The following PBX1 variants were observed in gnomAD, a reference collection of about 807,000 sequenced individuals.
PBX1 encodes PBX homeobox 1.
In PBX1, 6 loss-of-function variants were observed where a neutral mutation model predicts 53.4. The ratio of observed to expected loss-of-function variants is 0.11; its 90% CI spans 0.06 to 0.22. The LOEUF is 0.22. PBX1 is among the 10% of genes least tolerant of loss of function. The pLI is 1.00. For synonymous variants in PBX1, 204 were observed against 212.3 expected (o/e 0.96, Z 0.34); for missense variants, 251 against 551.4 (o/e 0.46, Z 5.46).
chr1:164,872,604 T>G (rs1476421954), intron 2 of PBX1, among the ~76,000 whole-genome samples: 1 of 152,196 alleles, frequency 6.6e-6, no homozygotes, highest in Non-Finnish European at 1.5e-5. Context: ...GAGCATTATT[T>G]TTCTCTTTGT....
intron 2 of PBX1, among the ~76,000 whole-genome samples, chr1:164,570,599 G>T (rs188171326): frequency 6.6e-6 from 1 of 152,256 alleles, no homozygotes; most frequent in Admixed American, 6.5e-5. Context: ...TCTTTATGCA[G>T]TCTATCATTG....
At chr1:164,602,576 G>C (rs1656248379) in intron 2 of PBX1, among the ~76,000 whole-genome samples, 1 of 151,992 alleles carries the variant, frequency 6.6e-6, no homozygotes, top group South Asian at 2.1e-4. Context: ...AGCCTCCACA[G>C]ACACAAAGCT....
intron 8 of PBX1, among the ~76,000 whole-genome samples, chr1:164,827,715 C>G (rs987864028): frequency 6.6e-6 from 1 of 152,194 alleles, no homozygotes; most frequent in Non-Finnish European, 1.5e-5. Context: ...CATATGCAAT[C>G]CAATGTTTTT....
rs1162544117 is a variant in PBX1 at position 164,792,543 on chromosome 1, G to A, written c.315G>A (p.Leu105=). ...AGGAGGAACCCACAGACCCCCAGCT[G>A]ATGCGGCTGGACAACATGCTGTTAG... ...AQEEEPTDPQ[L]MRLDNMLLAE... Residue 105 remains leucine, a synonymous_variant, in exon 3 of 9, where the codon CTG becomes CTA. Coordinates refer to ENST00000420696, the MANE Select transcript of PBX1 (RefSeq NM_002585.4). 1 of 1,614,120 alleles carries A rather than the reference G, an allele frequency of 6.2e-7. No homozygotes were observed. Among genetic ancestry groups the A allele is most frequent in the Admixed American group, 1.7e-5 (1 of 60,030 alleles).
In PBX1 at chr1:164,630,810, G is replaced by A. The variant is rs138828306; in HGVS notation, c.265+67499G>A. Among the ~76,000 whole-genome samples, 143 of 152,240 alleles carry A rather than the reference G, an allele frequency of 9.4e-4. 1 individual carries two copies. Among genetic ancestry groups the A allele is most frequent in the African/African-American group, 3.2e-3 (134 of 41,546 alleles). ...TGTCTTGTGCAATCTTTGGATCTTTGCCTTGATAATGTGCTTAATCATTCC... is the reference window on the plus strand; with the variant it reads ...TGTCTTGTGCAATCTTTGGATCTTTACCTTGATAATGTGCTTAATCATTCC... On this transcript the variant is annotated intron_variant, in intron 2 of 8. Coordinates refer to ENST00000420696, the MANE Select transcript of PBX1 (RefSeq NM_002585.4).
chr1:164,647,278 TGGAGGAGGAACCACTAG>T (rs1020229528), intron 2 of PBX1, among the ~76,000 whole-genome samples: 2 of 152,112 alleles, frequency 1.3e-5, no homozygotes, highest in African/African-American at 4.8e-5. Context: ...CAGGGGCCGT[TGGAGGAGGAACCACTAG>T]GGAGGATGAG....
intron 6 of PBX1, chr1:164,816,497 A>T (rs925284364): frequency 6.6e-6 from 1 of 152,212 alleles, no homozygotes; most frequent in African/African-American, 2.4e-5. Flanking sequence ...ACATTTAAAC[A>T]CTGAATTCCT....
At chr1:164,575,636 T>A (rs111929229) in intron 2 of PBX1, among the ~76,000 whole-genome samples, 212 of 152,144 alleles carry the variant, frequency 1.4e-3, no homozygotes, top group African/African-American at 4.8e-3. Flanking sequence ...TCCCAGAGAG[T>A]CTAATGATGA....
At chr1:164,571,874 TATATATATATATA>T in intron 2 of PBX1, among the ~76,000 whole-genome samples, 2 of 6,916 alleles carry the variant, frequency 2.9e-4, no homozygotes, top group Admixed American at 1.8e-3. Flanking sequence ...CTGTACATTG[TATATATATATATA>T]TATATATATA....
chr1:164,796,390 T>TAAA (rs5778408), intron 3 of PBX1, among the ~76,000 whole-genome samples: 6 of 151,634 alleles, frequency 4.0e-5, no homozygotes, highest in Admixed American at 6.6e-5. Context: ...AGCTCTACTT[T>TAAA]AAAAAAAAAT....
In PBX1 at chr1:164,849,605, C is replaced by A; in HGVS notation, c.*2929C>A. On this transcript the variant is annotated 3_prime_UTR_variant, in exon 9 of 9. Coordinates refer to ENST00000420696, the MANE Select transcript of PBX1 (RefSeq NM_002585.4). ...CCGACAGCGAATTTCCCCTGAGAAACGATACTAGACCCTGGGTTTGCCCAC... is the reference window on the plus strand; with the variant it reads ...CCGACAGCGAATTTCCCCTGAGAAAAGATACTAGACCCTGGGTTTGCCCAC... The A allele has an allele frequency of 4.3e-6, 3 of 703,512 alleles. No individual in the cohort carries two copies. Among genetic ancestry groups the A allele is most frequent in the African/African-American group, 1.8e-5 (1 of 56,106 alleles). 43.6% of individuals were successfully genotyped at this position (703,512 alleles called of 1,614,324 possible). A position where few individuals can be genotyped will look rare whatever the true frequency, so the allele number is the denominator to read the frequency against.
At chr1:164,629,726 A>G (rs1001011258) in intron 2 of PBX1, among the ~76,000 whole-genome samples, 3 of 152,242 alleles carry the variant, frequency 2.0e-5, no homozygotes, top group Admixed American at 6.5e-5. Flanking sequence ...ACATTTCTGT[A>G]AAAAGTGGCT....
At chr1:164,607,405 G>A (rs1248855530) in intron 2 of PBX1, among the ~76,000 whole-genome samples, 1 of 152,154 alleles carries the variant, frequency 6.6e-6, no homozygotes, top group Non-Finnish European at 1.5e-5. Context: ...AAGAGTTGAT[G>A]TTAATACCAA....
intron 2 of PBX1, chr1:164,685,066 G>C (rs1662021354): frequency 6.6e-6 from 1 of 152,170 alleles, no homozygotes; most frequent in Admixed American, 6.5e-5. Context: ...GTCTCAGAGA[G>C]GTTAATGACT....
At chr1:164,602,222 T>C (rs1656224495) in intron 2 of PBX1, among the ~76,000 whole-genome samples, 1 of 152,090 alleles carries the variant, frequency 6.6e-6, no homozygotes, top group Non-Finnish European at 1.5e-5. Context: ...CGCACAGGTA[T>C]GGGCTGAAGG....
intron 6 of PBX1, chr1:164,818,254 GA>G (rs1275481164): frequency 6.6e-6 from 1 of 152,178 alleles, no homozygotes; most frequent in African/African-American, 2.4e-5. Flanking sequence ...ATATGTTCAG[GA>G]AGACAGTTTC....
chr1:164,713,802 G>C (rs900509262), intron 2 of PBX1, among the ~76,000 whole-genome samples: 1 of 152,140 alleles, frequency 6.6e-6, no homozygotes, highest in Non-Finnish European at 1.5e-5. Context: ...TAGCAGAACT[G>C]TTCATACAGC....
intron 2 of PBX1, among the ~76,000 whole-genome samples, chr1:164,741,269 C>A (rs1665586757): frequency 6.6e-6 from 1 of 152,208 alleles, no homozygotes; most frequent in Non-Finnish European, 1.5e-5. Context: ...AGGAAGAGAT[C>A]TCTGGACTCA....
chr1:164,598,780 A>C (rs906815487), intron 2 of PBX1, among the ~76,000 whole-genome samples: 6 of 152,240 alleles, frequency 3.9e-5, no homozygotes, highest in African/African-American at 1.4e-4. Context: ...CACCTGAAAT[A>C]GCTTGACATT....
Sources: allele counts gnomAD v4.1 joint callset (sites outside exome capture counted in the v4.1 genomes callset), GRCh38; gene constraint gnomAD v4.1.1; transcripts MANE v1.5; gene names NCBI Gene and HGNC (gene_info 2026-07-23, HGNC 2026-07-21).